The following ZNF704 variants were observed in gnomAD, a reference collection of about 807,000 sequenced individuals.
The protein encoded by ZNF704 is zinc finger protein 704.
ZNF704 carries 10 observed loss-of-function variants against 44.7 expected under a neutral mutation model. The observed-to-expected ratio is 0.22, with a 90% CI of 0.14 to 0.38. The LOEUF (loss-of-function observed/expected upper bound fraction) is 0.38, where lower values mean the gene tolerates loss of function less well. Among genes scored for constraint, ZNF704 ranks in the 10% least tolerant of loss-of-function variants. The pLI is 1.00. For missense variants in ZNF704, 390 were observed against 545.5 expected (o/e 0.71, Z 2.84); for synonymous variants, 211 against 207.6 (o/e 1.02, Z -0.14).
At position 80,639,872 on chromosome 8, in the gene ZNF704, T is replaced by C. The variant is rs1658832784; in HGVS notation, c.*1494A>G. 6.6e-6 allele frequency: 1 copy of C among 152,668 alleles called. No homozygotes were observed. The highest frequency in any genetic ancestry group is 1.5e-5 in the Non-Finnish European group (1 of 68,048). The allele number at this position is 152,668 out of a possible 1,614,324, so 9.5% of individuals were successfully genotyped here. On this transcript the variant is annotated 3_prime_UTR_variant, in exon 9 of 9. Coordinates refer to ENST00000327835, the MANE Select transcript of ZNF704 (RefSeq NM_001033723.3). The stretch of plus-strand genomic sequence containing the variant: ...TCCCCTGTCCCTATACAGTGCCTCC[T>C]ATAAGGTGCTCTTCCTACTTTGCAT...
intron 2 of ZNF704, among the ~76,000 whole-genome samples, chr8:80,761,779 C>A (rs1370559847): frequency 6.6e-6 from 1 of 152,148 alleles, no homozygotes; most frequent in Non-Finnish European, 1.5e-5. Flanking sequence ...GAAGACAAAT[C>A]ATATTCATAA....
chr8:80,722,871 C>A (rs959950846), intron 2 of ZNF704, among the ~76,000 whole-genome samples: 2 of 152,184 alleles, frequency 1.3e-5, no homozygotes, highest in African/African-American at 4.8e-5. Context: ...TGAATTGCCT[C>A]AGGAAGGAAA....
At chr8:80,645,204 G>A (rs556394511) in intron 7 of ZNF704, 51 of 1,565,258 alleles carry the variant, frequency 3.3e-5, no homozygotes, top group Admixed American at 9.4e-5. Flanking sequence ...TCAGCCCCGC[G>A]CCGCCAACCT....
At chr8:80,819,527 TAAC>T (rs1320858139) in intron 2 of ZNF704, among the ~76,000 whole-genome samples, 11 of 150,944 alleles carry the variant, frequency 7.3e-5, no homozygotes, top group Non-Finnish European at 1.0e-4. Flanking sequence ...ACTAGAAGTC[TAAC>T]TTTTGCCCTA....
intron 2 of ZNF704, among the ~76,000 whole-genome samples, chr8:80,730,726 T>A (rs77462796): frequency 0.023 from 3,466 of 152,214 alleles, 132 homozygotes; most frequent in African/African-American, 0.079. Context: ...CAAACAACAT[T>A]ACTTCTAAAC....
At chr8:80,771,204 A>G (rs914234779) in intron 2 of ZNF704, among the ~76,000 whole-genome samples, 1 of 152,188 alleles carries the variant, frequency 6.6e-6, no homozygotes, top group African/African-American at 2.4e-5. Context: ...GACTTTCCAT[A>G]TAAATTTTTG....
At chr8:80,689,406 T>C (rs1349498483) in intron 3 of ZNF704, among the ~76,000 whole-genome samples, 1 of 152,232 alleles carries the variant, frequency 6.6e-6, no homozygotes, top group African/African-American at 2.4e-5. Flanking sequence ...AGTCTCATGC[T>C]TTGCCAGCAT....
intron 2 of ZNF704, among the ~76,000 whole-genome samples, chr8:80,757,624 A>G (rs1054593434): frequency 2.0e-5 from 3 of 151,968 alleles, no homozygotes; most frequent in Admixed American, 6.6e-5. Context: ...TTCACTCACC[A>G]CTCACTCACT....
intron 2 of ZNF704, among the ~76,000 whole-genome samples, chr8:80,712,086 G>T (rs1021289990): frequency 6.6e-6 from 1 of 152,242 alleles, no homozygotes; most frequent in East Asian, 1.9e-4. Context: ...ACCTTTAAGA[G>T]GTGTTTGGGT....
At chr8:80,653,728 A>G (rs371151818) in intron 7 of ZNF704, among the ~76,000 whole-genome samples, 1 of 152,164 alleles carries the variant, frequency 6.6e-6, no homozygotes, top group Non-Finnish European at 1.5e-5. Flanking sequence ...ATGCTCATGG[A>G]TAGGAAGAAT....
At chr8:80,741,330 A>C (rs1174660275) in intron 2 of ZNF704, among the ~76,000 whole-genome samples, 1 of 152,180 alleles carries the variant, frequency 6.6e-6, no homozygotes, top group Non-Finnish European at 1.5e-5. Context: ...ACTTTTCTTT[A>C]TATGTCACAG....
At chr8:80,737,938 C>T (rs1585991539) in intron 2 of ZNF704, among the ~76,000 whole-genome samples, 1 of 152,274 alleles carries the variant, frequency 6.6e-6, no homozygotes, top group East Asian at 1.9e-4. Context: ...ATCCAGGATA[C>T]TAAATTGCAT....
chr8:80,800,870 C>T (rs1272998339), intron 2 of ZNF704, among the ~76,000 whole-genome samples: 1 of 152,034 alleles, frequency 6.6e-6, no homozygotes, highest in African/African-American at 2.4e-5. Flanking sequence ...GAATGGCAAG[C>T]TAGATAAGGA....
intron 1 of ZNF704, among the ~76,000 whole-genome samples, chr8:80,873,344 A>AG (rs1376599115): frequency 6.6e-6 from 1 of 152,020 alleles, no homozygotes; most frequent in East Asian, 1.9e-4. Context: ...GGAGAGACGC[A>AG]GGGGCCCAAG....
In ZNF704 at chr8:80,704,651, C is replaced by T. The variant is rs188772728; in HGVS notation, c.222-11544G>A. Among the ~76,000 whole-genome samples, 388 of 152,242 alleles carry T rather than the reference C, an allele frequency of 2.5e-3. 10 individuals are homozygous for T. Among genetic ancestry groups the T allele is most frequent in the Non-Finnish European group, 4.3e-4 (29 of 68,018 alleles). ...ATGGCCAACGATTTACTAAATCATG[C>T]CTACATACAAAGCCTCCATAAAACC... On this transcript the variant is annotated intron_variant, in intron 2 of 8. Coordinates refer to ENST00000327835, the MANE Select transcript of ZNF704 (RefSeq NM_001033723.3).
intron 2 of ZNF704, among the ~76,000 whole-genome samples, chr8:80,817,466 G>A (rs1363690958): frequency 1.3e-5 from 2 of 152,114 alleles, no homozygotes; most frequent in Non-Finnish European, 2.9e-5. Context: ...CCATCACTGC[G>A]CTCAGACTAG....
chr8:80,666,101 C>T (rs1348493578), intron 5 of ZNF704, among the ~76,000 whole-genome samples: 1 of 150,656 alleles, frequency 6.6e-6, no homozygotes, highest in African/African-American at 2.4e-5. Flanking sequence ...TCTCCCAACG[C>T]TATCCCTTCC....
rs577180020 is a variant in ZNF704, at chr8:80,765,456, T to C, written c.221+55918A>G. Among the ~76,000 whole-genome samples the C allele has an allele frequency of 5.3e-5, 8 of 152,318 alleles. No homozygotes were observed. In the East Asian group the frequency reaches 1.2e-3, roughly 22 times the overall value. On this transcript the variant is annotated intron_variant, in intron 2 of 8. Transcript: ENST00000327835. ...AAATTCAGTCCACAAGTCCACTCCT[T>C]GTCAACTTGGCACCCAAACCCACAT...
intron 2 of ZNF704, among the ~76,000 whole-genome samples, chr8:80,715,676 A>G (rs1819062041): frequency 6.6e-6 from 1 of 152,192 alleles, no homozygotes; most frequent in Non-Finnish European, 1.5e-5. Context: ...TATAACACAG[A>G]TGCTCAGCTT....
Sources: allele counts gnomAD v4.1 joint callset (sites outside exome capture counted in the v4.1 genomes callset), GRCh38; gene constraint gnomAD v4.1.1; transcripts MANE v1.5; gene names NCBI Gene and HGNC (gene_info 2026-07-23, HGNC 2026-07-21).